IL1RN: variants seen among roughly 807,000 people sequenced by gnomAD.
IL1RN encodes interleukin-1 receptor antagonist protein.
A neutral mutation model predicts 13.7 loss-of-function variants in IL1RN; 10 were observed. The observed-to-expected ratio is 0.73, with a 90% CI of 0.45 to 1.24. IL1RN has a LOEUF of 1.24. Ranked by LOEUF, IL1RN falls within the 50% of genes most tolerant of loss-of-function variation. The pLI is 0.00. For missense variants in IL1RN, 213 were observed against 222.1 expected (o/e 0.96, Z 0.26); for synonymous variants, 102 against 82.7 (o/e 1.23, Z -1.27).
intron 1 of IL1RN, among the ~76,000 whole-genome samples, chr2:113,119,094 G>C (rs577200401): frequency 6.6e-5 from 10 of 152,142 alleles, no homozygotes; most frequent in Admixed American, 1.3e-4. Context: ...TAATGAGCAG[G>C]CCATTCTCCT....
upstream of IL1RN, among the ~76,000 whole-genome samples, chr2:113,104,585 G>A (rs1023946760): frequency 6.6e-6 from 1 of 152,146 alleles, no homozygotes; most frequent in Non-Finnish European, 1.5e-5. Context: ...GTTGGCTCAG[G>A]CAGCTGGGGC....
At chr2:113,100,197 G>C in the IL1RN span, among the ~76,000 whole-genome samples, 4 of 151,330 alleles carry the variant, frequency 2.6e-5, no homozygotes, top group Non-Finnish European at 4.4e-5. Context: ...GTGGTGGCGG[G>C]CGCCTGTAGT....
At chr2:113,116,252 G>C (rs775302813), upstream of IL1RN, among the ~76,000 whole-genome samples, 29 of 152,208 alleles carry the variant, frequency 1.9e-4, no homozygotes, top group Non-Finnish European at 3.7e-4. Flanking sequence ...ATCCTGGCAG[G>C]TTCCCAGGCT....
In IL1RN at chr2:113,129,849, G is replaced by A. The variant is rs961753633; in HGVS notation, c.205+185G>A. 17 of 607,880 alleles carry A rather than the reference G, an allele frequency of 2.8e-5. No homozygotes were observed. In the African/African-American group the frequency reaches 2.9e-4, roughly 10 times the overall value. The allele number at this position is 607,880 out of a possible 1,614,324, so 37.7% of individuals were successfully genotyped here. ...AGGGCACATATGAGGGCAGCCTGAAGAGGGTGTGGAGAGGTAGAGTCTAGG... is the reference window on the plus strand; with the variant it reads ...AGGGCACATATGAGGGCAGCCTGAAAAGGGTGTGGAGAGGTAGAGTCTAGG... On this transcript the variant is annotated intron_variant, in intron 2 of 3. Transcript: ENST00000409930.
At chr2:113,114,709 G>C (rs1686560848), upstream of IL1RN, among the ~76,000 whole-genome samples, 1 of 151,976 alleles carries the variant, frequency 6.6e-6, no homozygotes, top group Non-Finnish European at 1.5e-5. Context: ...GAGAATATGA[G>C]TGGTGGTTTC....
Position 113,131,131 on chromosome 2 carries a change from G to T in IL1RN, c.292G>T (p.Gly98Cys). The part of the protein sequence containing the change: ...GKMCLSCVKS[G>C]DETRLQLEAV... Reference sequence around the variant, plus strand: ...GATGTGCCTGTCCTGTGTCAAGTCTGGTGATGAGACCAGACTCCAGCTGGA... The same window carrying T: ...GATGTGCCTGTCCTGTGTCAAGTCTTGTGATGAGACCAGACTCCAGCTGGA... Residue 98 changes from glycine (G) to cysteine (C), a missense_variant, in exon 3 of 4, where the codon GGT (glycine) becomes TGT (cysteine). Physicochemically the swap from Gly to Cys is radical, Grantham distance 159 (BLOSUM62 -3). Coordinates refer to ENST00000409930, the MANE Select transcript of IL1RN (RefSeq NM_173842.3). 6.2e-7 allele frequency: 1 copy of T among 1,611,292 alleles called. No homozygotes were observed. Among genetic ancestry groups the T allele is most frequent in the South Asian group, 1.1e-5 (1 of 91,024 alleles).
chr2:113,111,267 T>A (rs951873574), intron 1 of IL1RN: 1 of 152,230 alleles, frequency 6.6e-6, no homozygotes, highest in African/African-American at 2.4e-5. Context: ...TTGAAAGACT[T>A]GTCTAGGGGA....
At chr2:113,117,680 C>G (rs1475034023), upstream of IL1RN, 1 of 484,092 alleles carries the variant, frequency 2.1e-6, no homozygotes, top group South Asian at 2.6e-5. Context: ...GCACGAAGGC[C>G]CAGCTCAGTT....
chr2:113,113,549 T>G (rs143717557), upstream of IL1RN, among the ~76,000 whole-genome samples: 17 of 152,060 alleles, frequency 1.1e-4, no homozygotes, highest in East Asian at 3.3e-3. Context: ...ATACTTAAAA[T>G]TGCTAAGAGG....
upstream of IL1RN, among the ~76,000 whole-genome samples, chr2:113,114,906 G>A (rs554130553): frequency 6.6e-6 from 1 of 152,206 alleles, no homozygotes; most frequent in Admixed American, 6.5e-5. Context: ...AGCAGGGGAG[G>A]GAAGGGTGTT....
chr2:113,127,294 T>C (rs1158221619), upstream of IL1RN, among the ~76,000 whole-genome samples: 2 of 152,158 alleles, frequency 1.3e-5, no homozygotes, highest in African/African-American at 2.4e-5. Context: ...ACAAACAGAC[T>C]CTGGGTACCT....
At chr2:113,117,851 G>A (rs2234676), upstream of IL1RN, 168,893 of 706,342 alleles carry the variant, frequency 0.24, 22,450 homozygotes, top group Admixed American at 0.29. Context: ...GGGAGGGGAG[G>A]CTGGGCTCCT....
At chr2:113,113,061 T>C (rs915054142), upstream of IL1RN, 2 of 152,188 alleles carry the variant, frequency 1.3e-5, no homozygotes, top group Non-Finnish European at 2.9e-5. Context: ...ATCAGGAAGA[T>C]TCGTATCGGT....
chr2:113,130,958 C>T (rs1050971078), intron 2 of IL1RN, 87 bp from the exon 3 acceptor site: 32 of 854,794 alleles, frequency 3.7e-5, no homozygotes, highest in Non-Finnish European at 6.2e-5. Flanking sequence ...TTGTGGGGAC[C>T]AGGGGAGATA....
At chr2:113,127,083 TGA>T (rs1686987522), upstream of IL1RN, among the ~76,000 whole-genome samples, 1 of 152,208 alleles carries the variant, frequency 6.6e-6, no homozygotes, top group African/African-American at 2.4e-5. Context: ...ACAGCTGAGC[TGA>T]GTAATCGTGG....
At chr2:113,101,860 C>A in the IL1RN span, among the ~76,000 whole-genome samples, 3 of 152,068 alleles carry the variant, frequency 2.0e-5, no homozygotes, top group East Asian at 3.9e-4. Flanking sequence ...CTCCACCTCC[C>A]CAGTTCAAGT....
chr2:113,113,018 T>G (rs1030856506), upstream of IL1RN: 2 of 152,204 alleles, frequency 1.3e-5, no homozygotes, highest in African/African-American at 4.8e-5. Context: ...GAATAGGAAC[T>G]GCACCTCTTC....
upstream of IL1RN, among the ~76,000 whole-genome samples, chr2:113,105,190 C>T (rs1686369961): frequency 6.6e-6 from 1 of 152,122 alleles, no homozygotes; most frequent in South Asian, 2.1e-4. Context: ...AGATGGTGGA[C>T]ATGTTTGGAA....
At chr2:113,109,973 C>A (rs570982409), upstream of IL1RN, among the ~76,000 whole-genome samples, 4 of 152,294 alleles carry the variant, frequency 2.6e-5, no homozygotes, top group African/African-American at 9.6e-5. Flanking sequence ...CTGCTTCCTG[C>A]TGATTGATCC....
Sources: allele counts gnomAD v4.1 joint callset (sites outside exome capture counted in the v4.1 genomes callset), GRCh38; gene constraint gnomAD v4.1.1; transcripts MANE v1.5; gene names NCBI Gene and HGNC (gene_info 2026-07-23, HGNC 2026-07-21).